QSER1: variants seen among roughly 807,000 people sequenced by gnomAD.
The protein encoded by QSER1 is glutamine and serine-rich protein 1.
A neutral mutation model predicts 158.5 loss-of-function variants in QSER1; 49 were observed. The observed-to-expected ratio is 0.31, with a 90% CI of 0.25 to 0.39. The LOEUF is 0.39. Among genes scored for constraint, QSER1 ranks in the 10% least tolerant of loss-of-function variants. The pLI, the probability that QSER1 is intolerant of heterozygous loss-of-function variation, is 1.00. For synonymous variants in QSER1, 650 were observed against 715.5 expected (o/e 0.91, Z 1.46); for missense variants, 1,754 against 2,010.3 (o/e 0.87, Z 2.44).
At chr11:32,972,361 G>A (rs895412776) in intron 10 of QSER1, among the ~76,000 whole-genome samples, 1 of 151,796 alleles carries the variant, frequency 6.6e-6, no homozygotes, top group Non-Finnish European at 1.5e-5. Context: ...TTTCAGTCAG[G>A]CAGAATGATT....
chr11:32,915,659 T>G (rs930160931), intron 1 of QSER1, among the ~76,000 whole-genome samples: 1 of 152,236 alleles, frequency 6.6e-6, no homozygotes. Context: ...TTCTGGCTTT[T>G]GATTAAAAAA....
intron 1 of QSER1, among the ~76,000 whole-genome samples, chr11:32,910,036 G>A (rs1215659203): frequency 1.3e-5 from 2 of 152,142 alleles, no homozygotes; most frequent in African/African-American, 2.4e-5. Context: ...ATGTCTGACC[G>A]TTAACTACTA....
intron 9 of QSER1, among the ~76,000 whole-genome samples, 165 bp from the exon 10 acceptor site, chr11:32,968,881 A>T (rs904929319): frequency 1.3e-5 from 2 of 152,222 alleles, no homozygotes; most frequent in Non-Finnish European, 2.9e-5. Flanking sequence ...TTTTCAAGTT[A>T]ACCTTTGTTC....
chr11:32,975,556 G>A (rs1156946311), intron 12 of QSER1: 2 of 1,397,708 alleles, frequency 1.4e-6, no homozygotes, highest in Non-Finnish European at 9.4e-7. Flanking sequence ...ACCTCTTGTA[G>A]GAGCTATAAT....
intron 10 of QSER1, among the ~76,000 whole-genome samples, chr11:32,971,849 G>A (rs1377953400): frequency 2.0e-5 from 3 of 152,086 alleles, no homozygotes; most frequent in African/African-American, 4.8e-5. Context: ...GGATCATGAG[G>A]TCAGGAGATC....
chr11:32,946,025 G>A lies in QSER1; in HGVS notation c.4178-7832G>A, dbSNP rs866055089. Among the ~76,000 whole-genome samples the A allele has an allele frequency of 1.8e-3, 270 of 151,678 alleles. 1 individual carries two copies. The highest frequency in any genetic ancestry group is 6.0e-3 in the African/African-American group (247 of 41,346). On this transcript the variant is annotated intron_variant, in intron 4 of 12. Coordinates refer to ENST00000650167, the MANE Select transcript of QSER1 (RefSeq NM_001076786.3). ...CTGATACCCTTTCTTCCAGTTGATC[G>A]CATCGGCTCCTGAGGCTTCTGCATT...
At chr11:32,951,592 C>T (rs1852423347) in intron 4 of QSER1, among the ~76,000 whole-genome samples, 1 of 152,058 alleles carries the variant, frequency 6.6e-6, no homozygotes, top group African/African-American at 2.4e-5. Context: ...TACAGATCTT[C>T]TATGATTTCT....
At chr11:32,895,345 A>G (rs926633418) in intron 1 of QSER1, among the ~76,000 whole-genome samples, 5 of 151,944 alleles carry the variant, frequency 3.3e-5, no homozygotes, top group Admixed American at 1.3e-4. Flanking sequence ...CTCCCCCGCC[A>G]GCCTGCTTTG....
chr11:32,904,135 G>A (rs1263533782), intron 1 of QSER1, among the ~76,000 whole-genome samples: 2 of 151,938 alleles, frequency 1.3e-5, no homozygotes, highest in Non-Finnish European at 2.9e-5. Flanking sequence ...GTCTAGCCAG[G>A]GCTTTCCAGT....
At chr11:32,910,101 C>A (rs1851747429) in intron 1 of QSER1, among the ~76,000 whole-genome samples, 1 of 152,174 alleles carries the variant, frequency 6.6e-6, no homozygotes, top group Non-Finnish European at 1.5e-5. Context: ...TCACAATATG[C>A]TGGTCTTCTT....
At chr11:32,905,636 A>G (rs1851682429) in intron 1 of QSER1, among the ~76,000 whole-genome samples, 1 of 152,288 alleles carries the variant, frequency 6.6e-6, no homozygotes, top group Non-Finnish European at 1.5e-5. Context: ...TTAAACAGCA[A>G]GTTTTTGACT....
chr11:32,971,387 A>G (rs1342479305), intron 10 of QSER1, among the ~76,000 whole-genome samples: 1 of 152,190 alleles, frequency 6.6e-6, no homozygotes, highest in African/African-American at 2.4e-5. Context: ...TTTTCAAGGT[A>G]ATGATGTTCT....
Position 32,932,247 on chromosome 11 carries a change from T to C in QSER1, c.989T>C (p.Ile330Thr). The change falls in exon 4 of 13, where the codon ATT becomes ACT. Residue 330 changes from isoleucine to threonine, a missense_variant. By Grantham distance (89) the Ile-to-Thr change is moderately conservative. This residue lies in a region of QSER1 where 1,707 missense variants were observed against 1,919.6 expected (regional missense o/e 0.89). Coordinates refer to ENST00000650167, the MANE Select transcript of QSER1 (RefSeq NM_001076786.3). Reference sequence around the variant, plus strand: ...CAGCGGCCTTCAGGTACCCAGTCAATTCAGGCACAACTGACTGGTTCACAG... The same window carrying C: ...CAGCGGCCTTCAGGTACCCAGTCAACTCAGGCACAACTGACTGGTTCACAG... Reference protein sequence around the residue: ...HHQRPSGTQSIQAQLTGSQHS... With the variant: ...HHQRPSGTQSTQAQLTGSQHS... 1 of 1,614,116 alleles carries C rather than the reference T, an allele frequency of 6.2e-7. No homozygotes were observed. Among genetic ancestry groups the C allele is most frequent in the East Asian group, 2.2e-5 (1 of 44,884 alleles).
intron 1 of QSER1, among the ~76,000 whole-genome samples, chr11:32,906,104 G>GT (rs374193235): frequency 0.059 from 6,983 of 118,358 alleles, 384 homozygotes; most frequent in African/African-American, 0.16. Flanking sequence ...CTATTTTTTA[G>GT]TTTTTTTTTT....
Position 32,933,228 on chromosome 11 carries a change from C to G in QSER1, c.1970C>G (p.Thr657Ser). Residue 657 changes from threonine (T) to serine (S), a missense_variant, in exon 4 of 13, where the codon ACT becomes AGT. Thr to Ser is a moderately conservative substitution (Grantham distance 58, BLOSUM62 1). Coordinates refer to ENST00000650167, the MANE Select transcript of QSER1 (RefSeq NM_001076786.3). The part of the protein sequence containing the change: ...AVQSSSFASS[T>S]HCQTLQNNIT... The stretch of plus-strand genomic sequence containing the variant: ...CAGTCATCATCTTTTGCATCCTCTA[C>G]TCATTGTCAGACATTACAAAATAAC... 1.2e-6 allele frequency: 2 copies of G among 1,613,970 alleles called. No homozygotes were observed. Among genetic ancestry groups the G allele is most frequent in the Non-Finnish European group, 1.7e-6 (2 of 1,179,968 alleles).
chr11:32,938,051 A>T (rs1852178668), intron 4 of QSER1, among the ~76,000 whole-genome samples: 1 of 152,156 alleles, frequency 6.6e-6, no homozygotes, highest in Non-Finnish European at 1.5e-5. Flanking sequence ...TGTATATTTC[A>T]TTAGAAAGTG....
chr11:32,950,317 C>T (rs1263276787), intron 4 of QSER1, among the ~76,000 whole-genome samples: 4 of 152,088 alleles, frequency 2.6e-5, no homozygotes, highest in African/African-American at 9.7e-5. Context: ...TGGTCTTGAA[C>T]TCCTGACCTT....
chr11:32,931,790 C>A lies in QSER1; in HGVS notation c.532C>A (p.Pro178Thr). ...ATELFATGPLPSTGTLPPSLS... is the reference protein window; with the variant it reads ...ATELFATGPLTSTGTLPPSLS... ...TGAGCTGTTTGCTACTGGACCTTTG[C>A]CAAGCACTGGAACACTTCCACCATC... The change falls in exon 4 of 13, where the codon CCA becomes ACA. Residue 178 changes from proline (P) to threonine (T), a missense_variant. By Grantham distance (38) the Pro-to-Thr change is conservative. Coordinates refer to ENST00000650167, the MANE Select transcript of QSER1 (RefSeq NM_001076786.3). 1 of 1,612,942 alleles carries A rather than the reference C, an allele frequency of 6.2e-7. No individual in the cohort carries two copies. The highest frequency in any genetic ancestry group is 8.5e-7 in the Non-Finnish European group (1 of 1,179,468).
Position 32,976,375 on chromosome 11 carries a change from G to A in QSER1, c.5496G>A (p.Glu1832=). ...VQKKNEDLGQ[E]EIVQLCMKNV... is the part of the protein sequence containing the mutation. ...AAAAAAATGAAGATTTAGGACAGGAGGAAATTGTTCAACTTTGTATGAAAA... is the reference window on the plus strand; with the variant it reads ...AAAAAAATGAAGATTTAGGACAGGAAGAAATTGTTCAACTTTGTATGAAAA... The change falls in exon 13 of 13, where the codon GAG becomes GAA. Residue 1832 remains glutamate (E), a synonymous_variant. Coordinates refer to ENST00000650167, the MANE Select transcript of QSER1 (RefSeq NM_001076786.3). 1.2e-6 allele frequency: 2 copies of A among 1,604,192 alleles called. No individual in the cohort carries two copies. The highest frequency in any genetic ancestry group is 2.2e-5 in the East Asian group (1 of 44,502).
Sources: allele counts gnomAD v4.1 joint callset (sites outside exome capture counted in the v4.1 genomes callset), GRCh38; gene constraint gnomAD v4.1.1; regional missense constraint gnomAD v4.1.1; transcripts MANE v1.5; gene names NCBI Gene and HGNC (gene_info 2026-07-23, HGNC 2026-07-21).